The following TOPAZ1 variants were observed in gnomAD, a reference collection of about 807,000 sequenced individuals.
TOPAZ1 encodes testis and ovary specific TOPAZ 1.
Under a neutral mutation model 172.2 loss-of-function variants are expected in TOPAZ1, and 66 were observed. The observed-to-expected ratio is 0.38, with a 90% CI of 0.31 to 0.47. TOPAZ1 has a LOEUF of 0.47. Among genes scored for constraint, TOPAZ1 ranks in the 20% least tolerant of loss-of-function variants. The pLI is 0.99. For synonymous variants in TOPAZ1, 681 were observed against 683.9 expected, an observed-to-expected ratio of 1.00 and a Z score of 0.07; for missense variants, 1,822 against 1,972.4, an observed-to-expected ratio of 0.92 and a Z score of 1.44.
chr3:44,297,750 T>A (rs74437860), intron 12 of TOPAZ1, among the ~76,000 whole-genome samples: 1,900 of 149,852 alleles, frequency 0.013, 32 homozygotes, highest in African/African-American at 0.043. Flanking sequence ...TACCAAAATT[T>A]AAAAAAAAAA....
At chr3:44,269,435 A>C in intron 7 of TOPAZ1, 134 bp downstream of exon 7, 3 of 425,128 alleles carry the variant, frequency 7.1e-6, no homozygotes, top group Non-Finnish European at 4.4e-6. Flanking sequence ...TTTATAAACC[A>C]ATACTTTGGA....
intron 15 of TOPAZ1, 89 bp downstream of exon 15, chr3:44,306,515 G>C: frequency 1.4e-6 from 1 of 693,276 alleles, no homozygotes; most frequent in Non-Finnish European, 2.4e-6. Context: ...TGCAAATTAG[G>C]AGTTTGCTAA....
At chr3:44,254,781 A>G (rs1217048181) in intron 2 of TOPAZ1, among the ~76,000 whole-genome samples, 187 bp from the exon 3 acceptor site, 1 of 152,170 alleles carries the variant, frequency 6.6e-6, no homozygotes, top group African/African-American at 2.4e-5. Flanking sequence ...ATATGTGATT[A>G]AAGAACCAAA....
At chr3:44,260,205 G>T (rs899785962) in intron 4 of TOPAZ1, among the ~76,000 whole-genome samples, 1 of 152,086 alleles carries the variant, frequency 6.6e-6, no homozygotes, top group Non-Finnish European at 1.5e-5. Context: ...ACCCAGTCTT[G>T]GGCAGTTCTT....
At chr3:44,296,421 T>TTAA (rs1553649696) in intron 12 of TOPAZ1, among the ~76,000 whole-genome samples, 1 of 148,248 alleles carries the variant, frequency 6.7e-6, no homozygotes, top group African/African-American at 2.5e-5. Context: ...CTAGCAAGAC[T>TTAA]AAAAAAAAAA....
chr3:44,290,881 A>T lies in TOPAZ1; in HGVS notation c.3792A>T (p.Lys1264Asn). 6.5e-7 allele frequency: 1 copy of T among 1,539,030 alleles called. No individual in the cohort carries two copies. Among genetic ancestry groups the T allele is most frequent in the Non-Finnish European group, 8.8e-7 (1 of 1,140,206 alleles). The change falls in exon 12 of 20, where the codon AAA becomes AAT. Residue 1264 changes from lysine to asparagine, a missense_variant. Lys to Asn is a moderately conservative substitution (Grantham distance 94). Transcript: ENST00000309765. ...KQEITAVLEM[K>N]SRLQMRRFKK... ...AAATAACTGCAGTTCTGGAAATGAA[A>T]TCGAGGTGAGAAAAATCATTATTAT... is the stretch of plus-strand genomic sequence containing the variant.
At chr3:44,247,649 A>G (rs964465045) in intron 2 of TOPAZ1, among the ~76,000 whole-genome samples, 1 of 151,820 alleles carries the variant, frequency 6.6e-6, no homozygotes, top group African/African-American at 2.4e-5. Flanking sequence ...TCTAATCTTG[A>G]CTATTTTTGT....
intron 8 of TOPAZ1, among the ~76,000 whole-genome samples, chr3:44,279,041 C>T (rs1699995128): frequency 1.3e-5 from 2 of 151,952 alleles, no homozygotes. Context: ...TTCTCATTTG[C>T]TTCAAGAAAT....
chr3:44,242,491 A>G (rs1699497050), intron 1 of TOPAZ1, 92 bp downstream of exon 1: 6 of 1,317,180 alleles, frequency 4.6e-6, no homozygotes, highest in Middle Eastern at 1.8e-4. Context: ...TTGAACCTGC[A>G]TGGTTATTTC....
chr3:44,242,992 A>T lies in TOPAZ1; in HGVS notation c.486A>T (p.Ile162=), dbSNP rs376455896. The change falls in exon 2 of 20, where the codon ATA becomes ATT. Residue 162 remains isoleucine, a synonymous_variant. Transcript: ENST00000309765. ...ECLQSLGKES[I]IEGIKRRIRN... The stretch of plus-strand genomic sequence containing the variant: ...TGCAGTCTTTGGGTAAGGAAAGTAT[A>T]ATAGAAGGTATTAAAAGAAGAATTC... The T allele has an allele frequency of 4.5e-6, 7 of 1,549,640 alleles. No individual in the cohort carries two copies. In the East Asian group the frequency reaches 1.7e-4, roughly 38 times the overall value.
Position 44,255,668 on chromosome 3 carries a change from TATAC to T in TOPAZ1, c.2828-481_2828-478del, listed in dbSNP as rs1378430218. Among the ~76,000 whole-genome samples the T allele has an allele frequency of 1.4e-3, 41 of 30,308 alleles. 1 individual carries two copies. The highest frequency in any genetic ancestry group is 0.011 in the South Asian group (7 of 620). 19.9% of individuals were successfully genotyped at this position (30,308 alleles called of 152,430 possible). The stretch of plus-strand genomic sequence containing the variant: ...CTCTGTCTCAAAAAAAAAAAATATA[TATAC>T]ACACACACACACACACACACACACA... On this transcript the variant is annotated intron_variant, in intron 3 of 19. Coordinates refer to ENST00000309765, the MANE Select transcript of TOPAZ1 (RefSeq NM_001145030.2).
intron 8 of TOPAZ1, among the ~76,000 whole-genome samples, chr3:44,275,401 C>T (rs934285832): frequency 6.6e-6 from 1 of 152,018 alleles, no homozygotes; most frequent in Admixed American, 6.5e-5. Flanking sequence ...CTACTGTCTA[C>T]CTCAATGAAA....
intron 9 of TOPAZ1, among the ~76,000 whole-genome samples, chr3:44,287,175 C>T (rs1264084538): frequency 6.6e-6 from 1 of 152,204 alleles, no homozygotes. Flanking sequence ...TGGGTTACTT[C>T]ATGCTGAGCA....
At chr3:44,253,175 A>T (rs909540684) in intron 2 of TOPAZ1, among the ~76,000 whole-genome samples, 2 of 152,230 alleles carry the variant, frequency 1.3e-5, no homozygotes, top group East Asian at 3.8e-4. Context: ...TGAAAAGGAC[A>T]TGAGGAGCTG....
chr3:44,267,733 T>TGATAATTAA (rs1699848063), intron 6 of TOPAZ1, among the ~76,000 whole-genome samples: 1 of 152,206 alleles, frequency 6.6e-6, no homozygotes, highest in South Asian at 2.1e-4. Context: ...GTCAGTTTTT[T>TGATAATTAA]GATAATTAAC....
intron 5 of TOPAZ1, among the ~76,000 whole-genome samples, chr3:44,265,944 A>G (rs1449452187): frequency 3.3e-5 from 5 of 152,200 alleles, no homozygotes; most frequent in Non-Finnish European, 7.4e-5. Flanking sequence ...CTTCCGGTAT[A>G]AGGCAGTTTT....
At chr3:44,326,182 T>G (rs895260755) in intron 18 of TOPAZ1, among the ~76,000 whole-genome samples, 5 of 152,230 alleles carry the variant, frequency 3.3e-5, no homozygotes, top group Admixed American at 6.5e-5. Context: ...AATTGCTGAC[T>G]CATACAGTAA....
chr3:44,275,643 T>G (rs960632428), intron 8 of TOPAZ1, among the ~76,000 whole-genome samples: 1 of 152,110 alleles, frequency 6.6e-6, no homozygotes, highest in Non-Finnish European at 1.5e-5. Context: ...CTATTGTGAA[T>G]AGTGCTGGAA....
intron 5 of TOPAZ1, among the ~76,000 whole-genome samples, chr3:44,263,451 A>G (rs1643747411): frequency 6.6e-6 from 1 of 152,204 alleles, no homozygotes; most frequent in African/African-American, 2.4e-5. Flanking sequence ...AAAAATAAAA[A>G]ATAGATCATC....
Sources: allele counts gnomAD v4.1 joint callset (sites outside exome capture counted in the v4.1 genomes callset), GRCh38; gene constraint gnomAD v4.1.1; transcripts MANE v1.5; gene names NCBI Gene and HGNC (gene_info 2026-07-23, HGNC 2026-07-21).